The following SMCHD1 variants were observed in gnomAD, a reference collection of about 807,000 sequenced individuals.
SMCHD1 encodes structural maintenance of chromosomes flexible hinge domain containing 1.
In SMCHD1, 78 loss-of-function variants were observed where a neutral mutation model predicts 254.7. The ratio of observed to expected loss-of-function variants is 0.31; its 90% CI spans 0.26 to 0.37. SMCHD1 has a LOEUF of 0.37. Ranked by LOEUF, SMCHD1 falls within the 10% of genes least tolerant of loss-of-function variation. SMCHD1 has a pLI of 1.00. For missense variants in SMCHD1, 1,840 were observed against 2,408.1 expected (o/e 0.76, Z 4.94); for synonymous variants, 766 against 794.9 (o/e 0.96, Z 0.61).
Position 2,777,922 on chromosome 18 carries a change from G to A in SMCHD1, c.5476+7G>A, listed in dbSNP as rs2076093831. 6.7e-7 allele frequency: 1 copy of A among 1,486,812 alleles called. No individual in the cohort carries two copies. 92.1% of individuals were successfully genotyped at this position (1,486,812 alleles called of 1,614,324 possible). ...GTAGAACATTGTGAAACAGGTAAAA[G>A]ACATTATGGTGACTTTACTTTTGTA... is the stretch of plus-strand genomic sequence containing the variant. On this transcript the variant is annotated splice_region_variant and intron_variant, in intron 43 of 47. Transcript: ENST00000320876.
chr18:2,701,419 C>T (rs1196063760), intron 12 of SMCHD1, among the ~76,000 whole-genome samples: 1 of 152,170 alleles, frequency 6.6e-6, no homozygotes, highest in South Asian at 2.1e-4. Flanking sequence ...CCTTGGTCTC[C>T]CAAAATGTTG....
chr18:2,749,066 T>C (rs1338645593), intron 30 of SMCHD1, among the ~76,000 whole-genome samples: 1 of 152,208 alleles, frequency 6.6e-6, no homozygotes, highest in African/African-American at 2.4e-5. Context: ...GCTATGATAC[T>C]GCTGCTCTAA....
In SMCHD1 at chr18:2,667,018, A is replaced by G. The variant is rs756752874; in HGVS notation, c.411A>G (p.Gly137=). 3.8e-6 allele frequency: 6 copies of G among 1,583,552 alleles called. No individual in the cohort carries two copies. Among genetic ancestry groups the G allele is most frequent in the Middle Eastern group, 1.7e-4 (1 of 6,038 alleles). The change falls in exon 3 of 48, where the codon GGA becomes GGG. Residue 137 remains glycine, a synonymous_variant. Transcript: ENST00000320876. ...TGTATGAATATTATGCCAGTGAAGG[A>G]CAAAATCCTTTGCGTAAGTATCCCA... The part of the protein sequence containing the change: ...SGMYEYYASE[G]QNPLPFALAE...
intron 13 of SMCHD1, among the ~76,000 whole-genome samples, chr18:2,704,780 A>C (rs915500242): frequency 6.6e-6 from 1 of 152,052 alleles, no homozygotes; most frequent in Non-Finnish European, 1.5e-5. Flanking sequence ...AATGAGAGAT[A>C]CCATCATATA....
At chr18:2,770,904 T>G (rs117930578) in intron 39 of SMCHD1, among the ~76,000 whole-genome samples, 2,687 of 152,216 alleles carry the variant, frequency 0.018, 34 homozygotes, top group Non-Finnish European at 0.025. Flanking sequence ...TTACAGGTGT[T>G]AGCCACCACA....
At chr18:2,749,077 G>A (rs1001536427) in intron 30 of SMCHD1, among the ~76,000 whole-genome samples, 16 of 152,168 alleles carry the variant, frequency 1.1e-4, no homozygotes, top group African/African-American at 3.9e-4. Flanking sequence ...GCTGCTCTAA[G>A]ACCTGAAAAG....
chr18:2,775,068 A>ATTTTTTTTTTTT (rs10601895), intron 41 of SMCHD1, among the ~76,000 whole-genome samples: 5 of 73,010 alleles, frequency 6.8e-5, no homozygotes, highest in African/African-American at 2.2e-4. Flanking sequence ...AAAAGGAACA[A>ATTTTTTTTTTTT]TTTTTTTTTT....
At chr18:2,719,298 T>TCCCC (rs2074873283) in intron 19 of SMCHD1, among the ~76,000 whole-genome samples, 1 of 150,970 alleles carries the variant, frequency 6.6e-6, no homozygotes, top group African/African-American at 2.4e-5. Flanking sequence ...CTCCCCTCTT[T>TCCCC]TCTTTTCTTT....
At chr18:2,723,420 C>T (rs2074966622) in intron 20 of SMCHD1, among the ~76,000 whole-genome samples, 1 of 151,618 alleles carries the variant, frequency 6.6e-6, no homozygotes, top group African/African-American at 2.4e-5. Context: ...TGTGGAGAGG[C>T]TGTTGCCTGT....
chr18:2,669,761 A>G (rs1598288017), intron 3 of SMCHD1, among the ~76,000 whole-genome samples: 1 of 152,314 alleles, frequency 6.6e-6, no homozygotes, highest in Non-Finnish European at 1.5e-5. Flanking sequence ...CATCTCCTCT[A>G]GGATGTCTAA....
chr18:2,756,147 T>A (rs2075673805), intron 34 of SMCHD1, among the ~76,000 whole-genome samples: 1 of 152,240 alleles, frequency 6.6e-6, no homozygotes, highest in Non-Finnish European at 1.5e-5. Flanking sequence ...ATTACTTTAC[T>A]TTTTAATGTG....
chr18:2,718,653 T>TCAAGTGATTTTCCTGCCTC lies in SMCHD1; in HGVS notation c.2458+220_2458+238dup, dbSNP rs2074853824. 6.6e-6 allele frequency among the ~76,000 whole-genome samples: 1 copy of TCAAGTGATTTTCCTGCCTC among 152,172 alleles called. No individual in the cohort carries two copies. The highest frequency in any genetic ancestry group is 1.5e-5 in the Non-Finnish European group (1 of 68,030). ...TCACTGCAACCTCCGCTTCCTGGGT[T>TCAAGTGATTTTCCTGCCTC]CAAGTGATTTTCCTGCCTCAGCCTC... On this transcript the variant is annotated intron_variant, in intron 19 of 47. Coordinates refer to ENST00000320876, the MANE Select transcript of SMCHD1 (RefSeq NM_015295.3). This position sits in a 1 kb window ranked among gnomAD's most constrained non-coding sequence, Gnocchi z 4.6.
chr18:2,799,337 T>C (rs2076318385), intron 47 of SMCHD1, among the ~76,000 whole-genome samples: 1 of 152,166 alleles, frequency 6.6e-6, no homozygotes. Flanking sequence ...TTGCAAGTAC[T>C]CTGGAGCCAC....
intron 7 of SMCHD1, among the ~76,000 whole-genome samples, chr18:2,694,111 C>T (rs1381186680): frequency 1.3e-5 from 2 of 152,034 alleles, no homozygotes; most frequent in Non-Finnish European, 1.5e-5. Flanking sequence ...TCCAGCCTGC[C>T]CTGTAGTTTT....
chr18:2,738,142 G>T (rs571748390), intron 25 of SMCHD1, among the ~76,000 whole-genome samples: 2 of 152,030 alleles, frequency 1.3e-5, no homozygotes, highest in South Asian at 2.1e-4. Context: ...TACTTTTGTG[G>T]CAGAGCTCTA....
At chr18:2,666,039 A>G in intron 1 of SMCHD1, 118 bp from the exon 2 acceptor site, 1 of 519,248 alleles carries the variant, frequency 1.9e-6, no homozygotes, top group East Asian at 3.3e-5. Flanking sequence ...TATTTCCTAG[A>G]TAAGTGTAGT....
rs375941586 is a variant in SMCHD1, at chr18:2,738,565, T to C, written c.3425+20T>C. 3 of 1,588,320 alleles carry C rather than the reference T, an allele frequency of 1.9e-6. No individual in the cohort carries two copies. The African/African-American group carries it at 4.1e-5, about 22-fold the overall frequency. On this transcript the variant is annotated intron_variant, in intron 26 of 47. Transcript: ENST00000320876. ...AGTAAGGTTTGTGGACTCATTATAT[T>C]TTGCAGCCTATGGCAACAAAATACT...
At chr18:2,683,456 A>C (rs1209912308) in intron 5 of SMCHD1, among the ~76,000 whole-genome samples, 1 of 152,148 alleles carries the variant, frequency 6.6e-6, no homozygotes, top group African/African-American at 2.4e-5. Context: ...ATTGATTTCA[A>C]GTGTAATTTC....
At chr18:2,700,518 C>T in intron 10 of SMCHD1, 21 bp from the exon 11 acceptor site, 19 of 1,584,940 alleles carry the variant, frequency 1.2e-5, no homozygotes, top group Non-Finnish European at 1.5e-5. Flanking sequence ...ACATTTTGTT[C>T]CATTTGCCCT....
Sources: gnomAD v4.1 joint callset for allele counts (sites outside exome capture counted in the v4.1 genomes callset) on GRCh38, gnomAD v4.1.1 for gene constraint, Gnocchi (gnomAD v3.1) non-coding constraint, MANE v1.5 for transcripts, NCBI Gene and HGNC (gene_info 2026-07-23, HGNC 2026-07-21) for gene names.